The following LPIN1 variants were observed in gnomAD, a reference collection of about 807,000 sequenced individuals.
The protein encoded by LPIN1 is phosphatidate phosphatase LPIN1.
LPIN1 carries 71 observed loss-of-function variants against 107.5 expected under a neutral mutation model. The ratio of observed to expected loss-of-function variants is 0.66; its 90% CI spans 0.55 to 0.80. The LOEUF is 0.80. Among genes scored for constraint, LPIN1 ranks in the 30% least tolerant of loss-of-function variants. The pLI is 0.00. For synonymous variants in LPIN1, 445 were observed against 452.6 expected (o/e 0.98, Z 0.21); for missense variants, 1,043 against 1,160.6 (o/e 0.90, Z 1.47).
rs571386823 is a variant in LPIN1, at chr2:11,701,842, G to A, written c.82-11914G>A. Among the ~76,000 whole-genome samples the A allele has an allele frequency of 2.8e-3, 423 of 152,288 alleles. 1 individual carries two copies. Among genetic ancestry groups the A allele is most frequent in the Non-Finnish European group, 5.0e-3 (338 of 68,022 alleles). On this transcript the variant is annotated intron_variant, in intron 1 of 21. Coordinates refer to the LPIN1 transcript ENST00000449576. ...TGGTATTATCCGTGGGTGTAGCCGG[G>A]GCTGCCATGTCCTTTCCTACTGGCT... is the stretch of plus-strand genomic sequence containing the variant.
chr2:11,729,894 G>T (rs1665021440), intron 1 of LPIN1, among the ~76,000 whole-genome samples: 1 of 152,074 alleles, frequency 6.6e-6, no homozygotes, highest in African/African-American at 2.4e-5. Context: ...ATGTGTGAGT[G>T]TGTGCTGATA....
intron 14 of LPIN1, among the ~76,000 whole-genome samples, chr2:11,800,464 A>G (rs747386646): frequency 1.3e-5 from 2 of 151,876 alleles, no homozygotes; most frequent in Non-Finnish European, 2.9e-5. Context: ...CTGGAGTGCA[A>G]TGGCGCATTC....
At chr2:11,804,975 T>G in intron 16 of LPIN1, 95 bp from the exon 17 acceptor site, 8 of 820,902 alleles carry the variant, frequency 9.7e-6, no homozygotes, top group Non-Finnish European at 1.4e-5. Flanking sequence ...TTGTGGGTCT[T>G]GTTTGTGTTT....
At chr2:11,681,522 C>T (rs753994209) in intron 1 of LPIN1, 3 of 156,642 alleles carry the variant, frequency 1.9e-5, no homozygotes, top group African/African-American at 7.2e-5. Context: ...CCCAGCTATG[C>T]TTCCTGTACA....
At chr2:11,696,963 T>G (rs1662617244) in intron 1 of LPIN1, among the ~76,000 whole-genome samples, 1 of 152,204 alleles carries the variant, frequency 6.6e-6, no homozygotes. Flanking sequence ...TTAGAGTGGT[T>G]CTGCACGTCA....
chr2:11,763,277 G>A (rs1258639419), intron 1 of LPIN1: 1 of 152,694 alleles, frequency 6.5e-6, no homozygotes, highest in East Asian at 1.9e-4. Context: ...ACCCAGTCCA[G>A]GGATAAGATG....
At position 11,714,733 on chromosome 2, in the gene LPIN1, T is replaced by A. The variant is rs185644191; in HGVS notation, c.138+921T>A. Among the ~76,000 whole-genome samples the A allele has an allele frequency of 6.6e-5, 10 of 152,314 alleles. No individual in the cohort carries two copies. The East Asian group carries it at 1.7e-3, about 26-fold the overall frequency. ...CAGGGTAGAAGTGATGACGCTGGAA[T>A]GCTTAGTGTCCCTACTGTGGCCTGG... On this transcript the variant is annotated intron_variant, in intron 2 of 21. Transcript: ENST00000449576.
intron 1 of LPIN1, among the ~76,000 whole-genome samples, chr2:11,696,046 CTTTT>C (rs531347349): frequency 1.6e-5 from 2 of 126,088 alleles, no homozygotes; most frequent in Non-Finnish European, 3.2e-5. Context: ...GCTGACTCTC[CTTTT>C]TTTTTTTTTT....
At chr2:11,813,228 C>T (rs1260637636) in intron 17 of LPIN1, among the ~76,000 whole-genome samples, 4 of 151,978 alleles carry the variant, frequency 2.6e-5, no homozygotes. Flanking sequence ...GGGGTCTGGA[C>T]GGGGTCCATG....
chr2:11,744,879 A>T (rs927901522), upstream of LPIN1, among the ~76,000 whole-genome samples: 8 of 152,184 alleles, frequency 5.3e-5, no homozygotes, highest in African/African-American at 1.9e-4. Flanking sequence ...TACAAACTGC[A>T]AGATTCTCTT....
At chr2:11,732,432 TGACA>T (rs1413773471) in intron 1 of LPIN1, among the ~76,000 whole-genome samples, 1 of 152,246 alleles carries the variant, frequency 6.6e-6, no homozygotes, top group Admixed American at 6.5e-5. Context: ...AGTCAGGGAC[TGACA>T]GACAGACCTG....
chr2:11,773,856 C>G, intron 5 of LPIN1, 111 bp downstream of exon 5: 1 of 1,264,804 alleles, frequency 7.9e-7, no homozygotes, highest in Non-Finnish European at 1.1e-6. Context: ...TAATTAGGAC[C>G]AGGAAAAACA....
chr2:11,801,356 A>C (rs1264173149), intron 14 of LPIN1, among the ~76,000 whole-genome samples: 1 of 152,226 alleles, frequency 6.6e-6, no homozygotes, highest in Non-Finnish European at 1.5e-5. Flanking sequence ...AACCAACCTA[A>C]GTGTCCATCA....
Position 11,825,382 on chromosome 2 carries a change from T to C in LPIN1, c.*591T>C, listed in dbSNP as rs1682242649. 1 of 154,414 alleles carries C rather than the reference T, an allele frequency of 6.5e-6. No individual in the cohort carries two copies. Among genetic ancestry groups the C allele is most frequent in the Non-Finnish European group, 1.4e-5 (1 of 69,330 alleles). 9.6% of individuals were successfully genotyped at this position (154,414 alleles called of 1,614,324 possible). A position where few individuals can be genotyped will look rare whatever the true frequency, so the allele number is the denominator to read the frequency against. On this transcript the variant is annotated 3_prime_UTR_variant, in exon 21 of 21. Coordinates refer to ENST00000674199, the MANE Select transcript of LPIN1 (RefSeq NM_001349206.2). The surrounding 1 kb of genome is among the most constrained non-coding windows in gnomAD (Gnocchi z 4.1). ...GGCCTTGTGGATGGGCCCCTTACAG[T>C]ATTTGCTGACTAGTCTCATTTTTAG...
At chr2:11,783,739 A>G (rs1476133221) in intron 8 of LPIN1, 90 bp from the exon 9 acceptor site, 2 of 1,063,988 alleles carry the variant, frequency 1.9e-6, no homozygotes, top group East Asian at 2.4e-5. Context: ...AAATCTGCAC[A>G]TAGTGTTTAA....
chr2:11,777,552 T>C (rs888611891), intron 6 of LPIN1: 5 of 152,204 alleles, frequency 3.3e-5, no homozygotes, highest in African/African-American at 1.2e-4. Flanking sequence ...GGGTCAAATC[T>C]GGTCCACCAT....
At chr2:11,802,762 T>A in intron 14 of LPIN1, 145 bp from the exon 15 acceptor site, 1 of 895,830 alleles carries the variant, frequency 1.1e-6, no homozygotes, top group South Asian at 1.3e-5. Context: ...CATTGATAAA[T>A]TTAACGTCTT....
intron 1 of LPIN1, among the ~76,000 whole-genome samples, chr2:11,699,379 G>A (rs764509091): frequency 5.7e-4 from 86 of 152,158 alleles, no homozygotes; most frequent in Admixed American, 1.1e-3. Context: ...TGTCAGGGTC[G>A]ACCCACAGCT....
intron 1 of LPIN1, among the ~76,000 whole-genome samples, chr2:11,708,908 G>A (rs909206047): frequency 6.6e-6 from 1 of 152,054 alleles, no homozygotes; most frequent in Non-Finnish European, 1.5e-5. Flanking sequence ...ATCCTCACAA[G>A]GGCCCTATGA....
Sources: gnomAD v4.1 joint callset for allele counts (sites outside exome capture counted in the v4.1 genomes callset) on GRCh38, gnomAD v4.1.1 for gene constraint, Gnocchi (gnomAD v3.1) non-coding constraint, MANE v1.5 for transcripts, NCBI Gene and HGNC (gene_info 2026-07-23, HGNC 2026-07-21) for gene names.